The following WDR72 variants were observed in gnomAD, a reference collection of about 807,000 sequenced individuals.
WDR72 encodes the protein WD repeat-containing protein 72.
In WDR72, 120 loss-of-function variants were observed where a neutral mutation model predicts 124.2. The observed-to-expected ratio is 0.97, with a 90% CI of 0.83 to 1.12. The LOEUF is 1.12. Among genes scored for constraint, WDR72 ranks in the 50% most tolerant of loss-of-function variants. The pLI, the probability that WDR72 is intolerant of heterozygous loss-of-function variation, is 0.00. For missense variants in WDR72, 1,387 were observed against 1,278.8 expected (o/e 1.08, Z -1.29); for synonymous variants, 452 against 441.7 (o/e 1.02, Z -0.29).
At chr15:53,547,976 T>C (rs1030023656) in intron 18 of WDR72, among the ~76,000 whole-genome samples, 2 of 152,224 alleles carry the variant, frequency 1.3e-5, no homozygotes, top group African/African-American at 4.8e-5. Flanking sequence ...GTTGCTGATC[T>C]CCAAAGGTTG....
chr15:53,672,475 T>C (rs2016030389), intron 13 of WDR72, among the ~76,000 whole-genome samples: 1 of 152,154 alleles, frequency 6.6e-6, no homozygotes, highest in African/African-American at 2.4e-5. Flanking sequence ...CCCATTAGGA[T>C]TGTCAAATTT....
chr15:53,533,700 AC>A (rs1336592830), intron 18 of WDR72, among the ~76,000 whole-genome samples: 3 of 152,072 alleles, frequency 2.0e-5, no homozygotes, highest in Non-Finnish European at 4.4e-5. Context: ...GTTAGAGGAG[AC>A]TGCTCACTGT....
intron 16 of WDR72, among the ~76,000 whole-genome samples, chr15:53,613,143 A>G: frequency 6.6e-6 from 1 of 152,150 alleles, no homozygotes; most frequent in East Asian, 1.9e-4. Context: ...GGTTTGGGAG[A>G]TACATTTGCC....
At chr15:53,594,791 C>T (rs1050432136) in intron 18 of WDR72, among the ~76,000 whole-genome samples, 9 of 149,098 alleles carry the variant, frequency 6.0e-5, no homozygotes, top group Admixed American at 6.8e-5. Flanking sequence ...GCACCCCCCA[C>T]CCCCCCAAAA....
chr15:53,527,422 A>T (rs1892184944), intron 18 of WDR72, among the ~76,000 whole-genome samples: 1 of 151,416 alleles, frequency 6.6e-6, no homozygotes, highest in Non-Finnish European at 1.5e-5. Context: ...GAGAGTGGCC[A>T]CTGGAAAAAA....
intron 18 of WDR72, among the ~76,000 whole-genome samples, chr15:53,564,222 T>C (rs1010894781): frequency 1.3e-5 from 2 of 151,814 alleles, no homozygotes. Flanking sequence ...ATGGCTAGAA[T>C]TGCTCAATCT....
At chr15:53,661,917 G>A (rs1446564974) in intron 14 of WDR72, among the ~76,000 whole-genome samples, 1 of 152,040 alleles carries the variant, frequency 6.6e-6, no homozygotes, top group Admixed American at 6.6e-5. Flanking sequence ...GACATTTCCA[G>A]GATACTACAA....
At chr15:53,608,747 T>G (rs1262473001) in intron 17 of WDR72, among the ~76,000 whole-genome samples, 1 of 76,472 alleles carries the variant, frequency 1.3e-5, no homozygotes, top group African/African-American at 4.6e-5. Flanking sequence ...CAGAGCGAGA[T>G]CCTTTCTCAA....
chr15:53,749,759 A>G (rs1216634761), intron 1 of WDR72, among the ~76,000 whole-genome samples: 3 of 152,220 alleles, frequency 2.0e-5, no homozygotes, highest in Non-Finnish European at 4.4e-5. Context: ...TACATGAATG[A>G]TCAGAGACCG....
chr15:53,658,851 T>C (rs12902579), intron 14 of WDR72, among the ~76,000 whole-genome samples: 6,490 of 152,334 alleles, frequency 0.043, 169 homozygotes, highest in Non-Finnish European at 0.053. Context: ...CTTCCACTTA[T>C]AAACCCTTAA....
At chr15:53,754,289 A>G (rs2018844928) in intron 1 of WDR72, among the ~76,000 whole-genome samples, 1 of 152,164 alleles carries the variant, frequency 6.6e-6, no homozygotes, top group Admixed American at 6.5e-5. Context: ...AGTGTCATGG[A>G]AAAAGACTCA....
chr15:53,663,091 A>AAAATAAATAAAT lies in WDR72; in HGVS notation c.1962+2469_1962+2480dup, dbSNP rs200989036. Among the ~76,000 whole-genome samples, 433 of 148,032 alleles carry AAAATAAATAAAT rather than the reference A, an allele frequency of 2.9e-3. 1 individual carries two copies. Among genetic ancestry groups the AAAATAAATAAAT allele is most frequent in the African/African-American group, 9.7e-3 (389 of 40,026 alleles). On this transcript the variant is annotated intron_variant, in intron 14 of 19. Coordinates refer to ENST00000360509, the MANE Select transcript of WDR72 (RefSeq NM_182758.4). ...CTCTAAAAATAAGACCCTGCCTCTA[A>AAAATAAATAAAT]AAATAAATAAATAAATAAATAAATA...
chr15:53,710,267 G>A (rs2447051), intron 9 of WDR72, among the ~76,000 whole-genome samples: 146,630 of 152,308 alleles, frequency 0.96, 70,821 homozygotes, highest in East Asian at 1. Context: ...GAGTAGATAC[G>A]TAAAAATGTT....
chr15:53,535,298 T>C (rs1469552020), intron 18 of WDR72, among the ~76,000 whole-genome samples: 1 of 152,170 alleles, frequency 6.6e-6, no homozygotes, highest in African/African-American at 2.4e-5. Flanking sequence ...TATTTCCTCA[T>C]TGTATTGCCA....
At chr15:53,716,950 A>C (rs1299048289) in intron 3 of WDR72, among the ~76,000 whole-genome samples, 9 of 152,320 alleles carry the variant, frequency 5.9e-5, no homozygotes, top group Admixed American at 2.6e-4. Context: ...GGATACAGCT[A>C]TCACAGCCTG....
chr15:53,719,516 G>A (rs990863045), intron 3 of WDR72, among the ~76,000 whole-genome samples: 5 of 152,066 alleles, frequency 3.3e-5, no homozygotes, highest in African/African-American at 1.2e-4. Flanking sequence ...TGACTTTCAG[G>A]AGATCACACA....
intron 2 of WDR72, among the ~76,000 whole-genome samples, chr15:53,730,060 T>C (rs919427354): frequency 2.0e-5 from 3 of 152,188 alleles, no homozygotes; most frequent in African/African-American, 7.2e-5. Context: ...AACTGTTATG[T>C]GTGCACCCAT....
chr15:53,630,578 C>T (rs759566648), intron 14 of WDR72, among the ~76,000 whole-genome samples: 14 of 152,098 alleles, frequency 9.2e-5, no homozygotes, highest in East Asian at 5.8e-4. Flanking sequence ...ATTAACATAA[C>T]GTATCATATT....
intron 18 of WDR72, among the ~76,000 whole-genome samples, chr15:53,545,929 G>C (rs1893434481): frequency 8.2e-6 from 1 of 122,516 alleles, no homozygotes; most frequent in African/African-American, 3.2e-5. Flanking sequence ...ATCATCACTG[G>C]CCATCAGAGA....
Sources: allele counts gnomAD v4.1 joint callset (sites outside exome capture counted in the v4.1 genomes callset), GRCh38; gene constraint gnomAD v4.1.1; transcripts MANE v1.5; gene names NCBI Gene and HGNC (gene_info 2026-07-23, HGNC 2026-07-21).